POM121C: variants seen among roughly 807,000 people sequenced by gnomAD.
The protein encoded by POM121C is POM121 transmembrane nucleoporin C.
POM121C carries 20 observed loss-of-function variants against 66.4 expected under a neutral mutation model. That is an observed-to-expected ratio of 0.30 (90% CI 0.21 to 0.44). POM121C has a LOEUF of 0.44. Among genes scored for constraint, POM121C ranks in the 20% least tolerant of loss-of-function variants. POM121C has a pLI of 1.00. For synonymous variants in POM121C, 286 were observed against 528.0 expected, an observed-to-expected ratio of 0.54 and a Z score of 6.28; for missense variants, 580 against 1,225.7, an observed-to-expected ratio of 0.47 and a Z score of 7.87.
intron 3 of POM121C, among the ~76,000 whole-genome samples, chr7:75,471,988 C>T (rs1327353694): frequency 6.6e-6 from 1 of 151,920 alleles, no homozygotes; most frequent in African/African-American, 2.4e-5. Flanking sequence ...CGGGTTCAGG[C>T]CATTCTCTTG....
chr7:75,457,688 C>T (rs1162802975), intron 3 of POM121C, among the ~76,000 whole-genome samples: 7 of 151,770 alleles, frequency 4.6e-5, no homozygotes, highest in Non-Finnish European at 1.0e-4. Context: ...ACCACAGTAA[C>T]AAGGTGGCAC....
intron 7 of POM121C, among the ~76,000 whole-genome samples, chr7:75,434,373 C>T (rs868946634): frequency 1.3e-5 from 2 of 151,372 alleles, no homozygotes; most frequent in Admixed American, 6.6e-5. Context: ...CTTCCAGGGT[C>T]GAGCAGTTCT....
rs2868104 is a variant in POM121C at position 75,417,165 on chromosome 7, G to A, written c.*1631C>T. The A allele has an allele frequency of 8.1e-6, 8 of 986,602 alleles. No homozygotes were observed. In the East Asian group the frequency reaches 5.3e-4, roughly 66 times the overall value. 61.1% of individuals were successfully genotyped at this position (986,602 alleles called of 1,614,324 possible). ...GCACACGCAGCCAGGTATAACACTC[G>A]CCCTCAGTCACAACGGGGAGGGGGC... On this transcript the variant is annotated 3_prime_UTR_variant, in exon 15 of 15. Transcript: ENST00000615331.
chr7:75,436,886 G>C (rs1265687534), intron 7 of POM121C, among the ~76,000 whole-genome samples: 1 of 152,052 alleles, frequency 6.6e-6, no homozygotes, highest in Non-Finnish European at 1.5e-5. Context: ...CTCCCAAAGT[G>C]ATGGGATTAC....
At chr7:75,461,595 CA>C (rs1195510158) in intron 3 of POM121C, among the ~76,000 whole-genome samples, 5 of 152,002 alleles carry the variant, frequency 3.3e-5, no homozygotes, top group Non-Finnish European at 5.9e-5. Context: ...TTGTGTTTTT[CA>C]GACAGGGTTT....
In POM121C at chr7:75,476,919, C is replaced by T. The variant is rs587653618; in HGVS notation, c.-457-1731G>A. Among the ~76,000 whole-genome samples, 69 of 151,864 alleles carry T rather than the reference C, an allele frequency of 4.5e-4. No homozygotes were observed. In the South Asian group the frequency reaches 0.013, roughly 29 times the overall value. Reference sequence around the variant, plus strand: ...GAAAAATCTTGTATCCATGAAGATACTTGAAAAAGCTTGACAGAAAAAGCT... The same window carrying T: ...GAAAAATCTTGTATCCATGAAGATATTTGAAAAAGCTTGACAGAAAAAGCT... On this transcript the variant is annotated intron_variant, in intron 1 of 14. Coordinates refer to ENST00000615331, the MANE Select transcript of POM121C (RefSeq NM_001099415.3).
intron 6 of POM121C, 101 bp downstream of exon 6, chr7:75,439,043 T>C (rs1790526387): frequency 7.6e-7 from 1 of 1,309,866 alleles, no homozygotes; most frequent in Non-Finnish European, 1.1e-6. Context: ...CTGAACTAAT[T>C]AAGCAATGCA....
chr7:75,471,813 G>T (rs1791889407), intron 3 of POM121C, among the ~76,000 whole-genome samples: 1 of 152,282 alleles, frequency 6.6e-6, no homozygotes, highest in South Asian at 2.1e-4. Flanking sequence ...CAACGCTAAA[G>T]TTTATTGCTC....
At chr7:75,455,117 G>C (rs1423700126) in intron 3 of POM121C, among the ~76,000 whole-genome samples, 2 of 152,150 alleles carry the variant, frequency 1.3e-5, no homozygotes, top group Non-Finnish European at 2.9e-5. Flanking sequence ...CGATGACGAA[G>C]AGCCTTGTAA....
At chr7:75,449,219 T>C (rs1444633594) in intron 3 of POM121C, among the ~76,000 whole-genome samples, 1 of 150,430 alleles carries the variant, frequency 6.6e-6, no homozygotes, top group African/African-American at 2.5e-5. Flanking sequence ...ACTGAGGGAA[T>C]GATGTAGACG....
At chr7:75,481,471 A>G (rs1792307079) in intron 1 of POM121C, among the ~76,000 whole-genome samples, 1 of 152,142 alleles carries the variant, frequency 6.6e-6, no homozygotes, top group African/African-American at 2.4e-5. Flanking sequence ...AAGCCTACTC[A>G]ATATTTTAGA....
rs587630464 is a variant in POM121C, at chr7:75,417,635, A to C, written c.*1161T>G. The C allele has an allele frequency of 4.1e-6, 4 of 985,088 alleles. No homozygotes were observed. In the South Asian group the frequency reaches 1.9e-4, roughly 46 times the overall value. 61.0% of individuals were successfully genotyped at this position (985,088 alleles called of 1,614,324 possible). On this transcript the variant is annotated 3_prime_UTR_variant, in exon 15 of 15. Coordinates refer to ENST00000615331, the MANE Select transcript of POM121C (RefSeq NM_001099415.3). ...TATGGTTCATTAATTTAGGTTTTCT[A>C]ACATCTACTTTGGGTGACGTAGCCT...
chr7:75,476,936 G>A (rs1391176630), intron 1 of POM121C, among the ~76,000 whole-genome samples: 1 of 151,836 alleles, frequency 6.6e-6, no homozygotes, highest in Non-Finnish European at 1.5e-5. Context: ...AAGCTTGACA[G>A]AAAAAGCTGA....
chr7:75,477,213 C>T (rs1280224125), intron 1 of POM121C, among the ~76,000 whole-genome samples: 5 of 151,474 alleles, frequency 3.3e-5, no homozygotes, highest in African/African-American at 4.9e-5. Flanking sequence ...CCACTAAGAT[C>T]AAGAACAAGG....
chr7:75,479,175 T>G (rs2443460), intron 1 of POM121C, among the ~76,000 whole-genome samples: 67 of 152,084 alleles, frequency 4.4e-4, no homozygotes, highest in East Asian at 9.6e-4. Context: ...AGACATATAA[T>G]AATTCATCAT....
intron 3 of POM121C, among the ~76,000 whole-genome samples, chr7:75,465,609 C>T (rs1211468073): frequency 1.3e-4 from 19 of 151,538 alleles, no homozygotes; most frequent in South Asian, 4.2e-4. Flanking sequence ...AAAAATTAGC[C>T]GGGCATGGTG....
chr7:75,460,305 C>T (rs1310051234), intron 3 of POM121C, among the ~76,000 whole-genome samples: 3 of 148,476 alleles, frequency 2.0e-5, no homozygotes, highest in Non-Finnish European at 4.4e-5. Context: ...CCAGCCTGGG[C>T]ATGATAGCGA....
chr7:75,442,525 G>A (rs2116417032), intron 3 of POM121C: 1 of 1,443,396 alleles, frequency 6.9e-7, no homozygotes, highest in South Asian at 1.4e-5. Context: ...GTCCCCACCA[G>A]GCCGCGGTAG....
At chr7:75,419,479 G>C (rs587699052) in intron 13 of POM121C, 37 bp from the exon 14 acceptor site, 28 of 1,606,536 alleles carry the variant, frequency 1.7e-5, no homozygotes, top group Middle Eastern at 1.8e-4. Context: ...CCAGTGAGCA[G>C]AGGGCGGAGG....
Sources: gnomAD v4.1 joint callset for allele counts (sites outside exome capture counted in the v4.1 genomes callset) on GRCh38, gnomAD v4.1.1 for gene constraint, MANE v1.5 for transcripts, NCBI Gene and HGNC (gene_info 2026-07-23, HGNC 2026-07-21) for gene names.